Variants in KIAA0753 observed in about 807,000 individuals in gnomAD.
KIAA0753 encodes KIAA0753.
In KIAA0753, 114 loss-of-function variants were observed where a neutral mutation model predicts 116.9. The observed-to-expected ratio is 0.98, with a 90% CI of 0.84 to 1.14. The LOEUF is 1.14. Ranked by LOEUF, KIAA0753 falls within the 50% of genes most tolerant of loss-of-function variation. The pLI, the probability that KIAA0753 is intolerant of heterozygous loss-of-function variation, is 0.00. For missense variants in KIAA0753, 1,156 were observed against 1,172.4 expected (o/e 0.99, Z 0.20); for synonymous variants, 405 against 413.1 (o/e 0.98, Z 0.24).
chr17:6,586,492 T>G lies in KIAA0753; in HGVS notation c.2786+3287A>C, dbSNP rs1342511198. 4.6e-5 allele frequency among the ~76,000 whole-genome samples: 7 copies of G among 152,236 alleles called. No individual in the cohort carries two copies. In the East Asian group the frequency reaches 1.3e-3, roughly 29 times the overall value. On this transcript the variant is annotated intron_variant, in intron 18 of 18. Transcript: ENST00000361413. ...GCTAAGTCAGTCACCATTGTCTAACTGCTTTATGGCTTCCAAATTTTTATT... is the reference window on the plus strand; with the variant it reads ...GCTAAGTCAGTCACCATTGTCTAACGGCTTTATGGCTTCCAAATTTTTATT...
At position 6,579,500 on chromosome 17, in the gene KIAA0753, A is replaced by G. The variant is rs147046383; in HGVS notation, c.*247T>C. Reference sequence around the variant, plus strand: ...AAGTACACATTCTGAAAATATTGCCATAATCAAGTTGTGTTGCCTGGGCAC... The same window carrying G: ...AAGTACACATTCTGAAAATATTGCCGTAATCAAGTTGTGTTGCCTGGGCAC... On this transcript the variant is annotated 3_prime_UTR_variant, in exon 19 of 19. Coordinates refer to ENST00000361413, the MANE Select transcript of KIAA0753 (RefSeq NM_014804.3). The G allele has an allele frequency of 9.7e-6, 4 of 413,650 alleles. No individual in the cohort carries two copies. The highest frequency in any genetic ancestry group is 7.9e-5 in the African/African-American group (4 of 50,866). The allele number at this position is 413,650 out of a possible 1,614,324, so 25.6% of individuals were successfully genotyped here.
intron 5 of KIAA0753, 90 bp downstream of exon 5, chr17:6,623,419 A>G: frequency 9.7e-7 from 1 of 1,025,694 alleles, no homozygotes; most frequent in Non-Finnish European, 1.5e-6. Context: ...TGAAAATAAC[A>G]TTAGTGCAGA....
chr17:6,590,421 C>T (rs1175912759), intron 17 of KIAA0753, 89 bp downstream of exon 17: 2 of 1,480,292 alleles, frequency 1.4e-6, no homozygotes, highest in Non-Finnish European at 1.8e-6. Flanking sequence ...GAATTTCTGT[C>T]TGTCTTATGG....
intron 6 of KIAA0753, among the ~76,000 whole-genome samples, chr17:6,621,649 A>C (rs1971332656): frequency 6.6e-6 from 1 of 152,184 alleles, no homozygotes; most frequent in Non-Finnish European, 1.5e-5. Context: ...GAAAAATAAC[A>C]CATTTCTTGC....
chr17:6,627,420 C>G (rs1159853150), intron 3 of KIAA0753, among the ~76,000 whole-genome samples: 1 of 151,984 alleles, frequency 6.6e-6, no homozygotes. Flanking sequence ...TATGTACTAC[C>G]CTAGTGCAAC....
chr17:6,625,085 A>G (rs1971579077), intron 3 of KIAA0753, among the ~76,000 whole-genome samples: 1 of 152,128 alleles, frequency 6.6e-6, no homozygotes, highest in Non-Finnish European at 1.5e-5. Context: ...AAAGACATTT[A>G]CTCCATCAAG....
chr17:6,623,762 A>T, intron 4 of KIAA0753, 191 bp from the exon 5 acceptor site: 7 of 683,460 alleles, frequency 1.0e-5, no homozygotes, highest in Non-Finnish European at 1.3e-5. Context: ...AAGATAGTGA[A>T]TAGGCAGTGT....
In KIAA0753 at chr17:6,640,689, C is replaced by A. The variant is rs980456189; in HGVS notation, c.-121G>T. On this transcript the variant is annotated 5_prime_UTR_variant, in exon 1 of 19. Coordinates refer to ENST00000361413, the MANE Select transcript of KIAA0753 (RefSeq NM_014804.3). ...GGAGGCGGGCAACGGGGGCCCCCAA[C>A]AAGGCCGCGCTTCCGGCCGCCTGCC... 6 of 159,460 alleles carry A rather than the reference C, an allele frequency of 3.8e-5. No individual in the cohort carries two copies. Among genetic ancestry groups the A allele is most frequent in the African/African-American group, 1.4e-4 (6 of 41,650 alleles). The allele number at this position is 159,460 out of a possible 1,614,324, so 9.9% of individuals were successfully genotyped here. A position where few individuals can be genotyped will look rare whatever the true frequency, so the allele number is the denominator to read the frequency against.
rs372521759 is a variant in KIAA0753 at position 6,612,097 on chromosome 17, T to C, written c.1367A>G (p.Glu456Gly). 6.2e-7 allele frequency: 1 copy of C among 1,614,184 alleles called. No homozygotes were observed. The change falls in exon 8 of 19, where the codon GAG becomes GGG. Residue 456 changes from glutamate (E) to glycine (G), a missense_variant. Glu to Gly is a moderately conservative substitution (Grantham distance 98). Coordinates refer to ENST00000361413, the MANE Select transcript of KIAA0753 (RefSeq NM_014804.3). ...ELPETQRLQS[E>G]LDVLDADIVL... is the part of the protein sequence containing the mutation. ...TATATCCGCATCTAATACATCAAGC[T>C]CACTCTGCAACCTCTGGGTCTCCGG...
chr17:6,604,111 A>G (rs1970043825), intron 12 of KIAA0753, among the ~76,000 whole-genome samples: 1 of 152,244 alleles, frequency 6.6e-6, no homozygotes, highest in Admixed American at 6.5e-5. Context: ...TACCACTAGC[A>G]TACAACCCAG....
intron 1 of KIAA0753, chr17:6,638,771 C>T (rs1972487956): frequency 6.5e-6 from 1 of 153,174 alleles, no homozygotes; most frequent in African/African-American, 2.4e-5. Context: ...CCAGGTACCA[C>T]CACAGCCTGG....
chr17:6,614,965 A>G (rs900564899), intron 7 of KIAA0753, among the ~76,000 whole-genome samples: 14 of 152,018 alleles, frequency 9.2e-5, no homozygotes, highest in African/African-American at 3.4e-4. Flanking sequence ...CGCCCAGCTA[A>G]TTTTTGTATT....
chr17:6,617,245 A>T (rs1197103941), intron 7 of KIAA0753, among the ~76,000 whole-genome samples: 1 of 152,170 alleles, frequency 6.6e-6, no homozygotes, highest in African/African-American at 2.4e-5. Flanking sequence ...ACTGTGTGGC[A>T]GATGCTGGGC....
intron 14 of KIAA0753, 47 bp from the exon 15 acceptor site, chr17:6,596,390 G>A: frequency 7.4e-7 from 1 of 1,350,200 alleles, no homozygotes; most frequent in South Asian, 1.2e-5. Context: ...GGTGGATTAG[G>A]GGTGGGAAGG....
At chr17:6,604,782 G>A (rs1970088149) in intron 12 of KIAA0753, among the ~76,000 whole-genome samples, 1 of 151,868 alleles carries the variant, frequency 6.6e-6, no homozygotes, top group Non-Finnish European at 1.5e-5. Context: ...TAACATCTGG[G>A]GAAACTGGGT....
intron 3 of KIAA0753, among the ~76,000 whole-genome samples, chr17:6,626,144 T>C (rs1390513559): frequency 6.6e-6 from 1 of 152,226 alleles, no homozygotes; most frequent in African/African-American, 2.4e-5. Context: ...TTGAAAAGAT[T>C]GGTTCAAAGA....
chr17:6,587,816 G>T (rs1415354164), intron 18 of KIAA0753, among the ~76,000 whole-genome samples: 1 of 152,134 alleles, frequency 6.6e-6, no homozygotes, highest in African/African-American at 2.4e-5. Flanking sequence ...TGAATACAAG[G>T]AAATAAATAA....
rs114641336 is a variant in KIAA0753, at chr17:6,594,381, A to G, written c.2440+591T>C. On this transcript the variant is annotated intron_variant, in intron 16 of 18. Transcript: ENST00000361413. ...AAATTTGTTAATAACAGCAAGAGGA[A>G]ATAAGCAACACAGATTTAATGTATT... Among the ~76,000 whole-genome samples, 466 of 152,248 alleles carry G rather than the reference A, an allele frequency of 3.1e-3. 5 individuals are homozygous for G. The highest frequency in any genetic ancestry group is 0.011 in the African/African-American group (452 of 41,550).
At chr17:6,602,928 G>C (rs542676434) in intron 12 of KIAA0753, among the ~76,000 whole-genome samples, 1 of 152,182 alleles carries the variant, frequency 6.6e-6, no homozygotes, top group African/African-American at 2.4e-5. Flanking sequence ...AGATTATGTA[G>C]GTCAAAAGGC....
Sources: gnomAD v4.1 joint callset for allele counts (sites outside exome capture counted in the v4.1 genomes callset) on GRCh38, gnomAD v4.1.1 for gene constraint, MANE v1.5 for transcripts, NCBI Gene and HGNC (gene_info 2026-07-23, HGNC 2026-07-21) for gene names.